The following SAA2 variants were observed in gnomAD, a reference collection of about 807,000 sequenced individuals.
The protein encoded by SAA2 is serum amyloid A2, also known as serum amyloid A-2 protein.
In SAA2, 5 loss-of-function variants were observed where a neutral mutation model predicts 9.1. The ratio of observed to expected loss-of-function variants is 0.55; its 90% CI spans 0.29 to 1.16. The LOEUF (loss-of-function observed/expected upper bound fraction) is 1.16. Ranked by LOEUF, SAA2 falls within the 50% of genes most tolerant of loss-of-function variation. SAA2 has a pLI of 0.09. For synonymous variants in SAA2, 49 were observed against 59.8 expected, an observed-to-expected ratio of 0.82 and a Z score of 0.83; for missense variants, 94 against 153.8, an observed-to-expected ratio of 0.61 and a Z score of 2.06.
chr11:18,247,548 GCAC>G (rs1343024453), intron 2 of SAA2, among the ~76,000 whole-genome samples: 21 of 146,312 alleles, frequency 1.4e-4, no homozygotes, highest in African/African-American at 4.6e-4. Flanking sequence ...ACATTGGGCA[GCAC>G]AACCTAAGGC....
At chr11:18,238,885 T>A (rs1427618250), downstream of SAA2, among the ~76,000 whole-genome samples, 1 of 151,798 alleles carries the variant, frequency 6.6e-6, no homozygotes, top group African/African-American at 2.4e-5. Flanking sequence ...ATTGTTTTGA[T>A]TTTTAGATCC....
At position 18,245,411 on chromosome 11, in the gene SAA2, T is replaced by A. The variant is rs749540517; in HGVS notation, c.335A>T (p.His112Leu). The A allele has an allele frequency of 5.6e-5, 90 of 1,614,168 alleles. 2 individuals carry two copies. In the South Asian group the frequency reaches 6.3e-4, roughly 11 times the overall value. The change falls in exon 4 of 4, where the codon CAC becomes CTC. Residue 112 changes from histidine (H) to leucine (L), a missense_variant. Around this residue, in one of 2 missense-constraint regions of SAA2, gnomAD observed 62 missense variants for 58.3 expected, o/e 1.06. Transcript: ENST00000256733. ...KWGRSGRDPN[H>L]FRPAGLPEKY ...CTCAGGCAGGCCAGCAGGTCGGAAG[T>A]GATTGGGGTCTCTGCCACTCCTGCC...
intron 3 of SAA2, chr11:18,240,211 T>C: frequency 1.4e-6 from 1 of 711,684 alleles, no homozygotes; most frequent in Non-Finnish European, 2.5e-6. Flanking sequence ...CTCTTGAAAT[T>C]TGAATGAGGC....
At chr11:18,247,469 T>C (rs1217448092) in intron 2 of SAA2, among the ~76,000 whole-genome samples, 1 of 134,080 alleles carries the variant, frequency 7.5e-6, no homozygotes, top group Non-Finnish European at 1.5e-5. Flanking sequence ...CTGGAAAGGA[T>C]GATTGTTCTT....
At chr11:18,248,242 T>A (rs1412221389) in intron 1 of SAA2, 2 of 411,952 alleles carry the variant, frequency 4.9e-6, no homozygotes, top group African/African-American at 4.0e-5. Flanking sequence ...GTGGCACTGA[T>A]GGAGGAAGGC....
downstream of SAA2, among the ~76,000 whole-genome samples, chr11:18,240,984 T>C (rs944841388): frequency 8.6e-5 from 13 of 152,020 alleles, no homozygotes; most frequent in African/African-American, 3.1e-4. Flanking sequence ...AAAGGACAAG[T>C]ACCAAGATTC....
At chr11:18,242,832 G>A, downstream of SAA2, 1 of 701,510 alleles carries the variant, frequency 1.4e-6, no homozygotes, top group South Asian at 1.5e-5. Context: ...GGATGAAAGA[G>A]GGAGATGCTG....
At chr11:18,240,124 C>T in intron 3 of SAA2, 1 of 1,079,378 alleles carries the variant, frequency 9.3e-7, no homozygotes, top group East Asian at 2.6e-5. Flanking sequence ...GGAATGTACA[C>T]AAATTTTTTG....
At chr11:18,246,722 AG>A (rs1564905729) in intron 2 of SAA2, among the ~76,000 whole-genome samples, 2 of 148,790 alleles carry the variant, frequency 1.3e-5, no homozygotes, top group African/African-American at 5.0e-5. Flanking sequence ...TAGTAGACAC[AG>A]GGTTTCACCA....
At chr11:18,248,567 T>C (rs1857680547) in intron 1 of SAA2, 36 bp downstream of exon 1, 1 of 156,268 alleles carries the variant, frequency 6.4e-6, no homozygotes, top group Non-Finnish European at 1.4e-5. Flanking sequence ...GAAAACAGAG[T>C]AAGTTTTAAA....
chr11:18,244,792 T>C (rs942058893), downstream of SAA2, among the ~76,000 whole-genome samples: 1 of 152,152 alleles, frequency 6.6e-6, no homozygotes, highest in African/African-American at 2.4e-5. Flanking sequence ...GCATTGGAGG[T>C]ATTTTTTAGA....
At chr11:18,239,760 AC>A in exon 4 of SAA2, 1 of 584,730 alleles carries the variant, frequency 1.7e-6, no homozygotes, top group Non-Finnish European at 2.8e-6. Flanking sequence ...GAATGGAGAC[AC>A]CACACTGAGC....
At chr11:18,243,210 A>T (rs1857399205), downstream of SAA2, among the ~76,000 whole-genome samples, 3 of 152,134 alleles carry the variant, frequency 2.0e-5, no homozygotes, top group South Asian at 6.2e-4. Context: ...GAATTTCTGT[A>T]TCCAAATGTT....
exon 4 of SAA2, chr11:18,239,688 C>T: frequency 2.3e-6 from 1 of 428,220 alleles, no homozygotes; most frequent in Non-Finnish European, 4.1e-6. Flanking sequence ...TCCTCCTTTC[C>T]CAACAGCTGC....
intron 3 of SAA2, 51 bp from the exon 4 acceptor site, chr11:18,245,566 C>T (rs1242028658): frequency 1.1e-5 from 17 of 1,597,008 alleles, no homozygotes; most frequent in Non-Finnish European, 1.4e-5. Context: ...CAGTGAGCAA[C>T]AGCTCACCCT....
In SAA2 at chr11:18,247,943, C is replaced by A; in HGVS notation, c.69G>T (p.Ser23=). The A allele has an allele frequency of 6.2e-7, 1 of 1,613,810 alleles. No individual in the cohort carries two copies. Among genetic ancestry groups the A allele is most frequent in the Non-Finnish European group, 8.5e-7 (1 of 1,179,850 alleles). The change falls in exon 2 of 4, where the codon TCG becomes TCT. Residue 23 remains serine (S), a synonymous_variant. Coordinates refer to ENST00000256733, the MANE Select transcript of SAA2 (RefSeq NM_030754.5). ...VLSVSSRSFF[S]FLGEAFDGAR... ...TACCATCAAAAGCCTCGCCAAGGAA[C>A]GAAAAGAAGCTTCGGCTGCTGACAC... is the stretch of plus-strand genomic sequence containing the variant.
At chr11:18,239,066 TA>T, downstream of SAA2, among the ~76,000 whole-genome samples, 1 of 152,328 alleles carries the variant, frequency 6.6e-6, no homozygotes, top group African/African-American at 2.4e-5. Flanking sequence ...TCATTTTCCT[TA>T]TTTGTTTATA....
At chr11:18,238,497 T>C (rs1392084419), downstream of SAA2, among the ~76,000 whole-genome samples, 1 of 152,144 alleles carries the variant, frequency 6.6e-6, no homozygotes, top group African/African-American at 2.4e-5. Context: ...TAAACTCAAA[T>C]GTTTTTATTT....
chr11:18,242,556 T>C (rs1857377821), downstream of SAA2: 3 of 498,776 alleles, frequency 6.0e-6, no homozygotes, highest in South Asian at 6.1e-5. Context: ...AAAATAAATA[T>C]AACAGTAGGC....
Sources: allele counts gnomAD v4.1 joint callset (sites outside exome capture counted in the v4.1 genomes callset), GRCh38; gene constraint gnomAD v4.1.1; regional missense constraint gnomAD v4.1.1; transcripts MANE v1.5; gene names NCBI Gene and HGNC (gene_info 2026-07-23, HGNC 2026-07-21).